The following ABCA2 variants were observed in gnomAD, a reference collection of about 807,000 sequenced individuals.
The protein encoded by ABCA2 is ATP-binding cassette sub-family A member 2.
ABCA2 carries 84 observed loss-of-function variants against 262.8 expected under a neutral mutation model. That is an observed-to-expected ratio of 0.32 (90% CI 0.27 to 0.38). The LOEUF is 0.38. ABCA2 is among the 10% of genes least tolerant of loss of function. The probability of loss-of-function intolerance (pLI) is 1.00; values close to 1 mark genes in which losing one functional copy is unlikely to be tolerated. For synonymous variants in ABCA2, 1,696 were observed against 1,502.9 expected (o/e 1.13, Z -2.97); for missense variants, 2,662 against 3,405.9 (o/e 0.78, Z 5.44).
At chr9:137,009,093 C>A in intron 45 of ABCA2, 40 bp from the exon 46 acceptor site, 1 of 1,576,784 alleles carries the variant, frequency 6.3e-7, no homozygotes, top group East Asian at 2.3e-5. Flanking sequence ...CTGCGCCGCC[C>A]AGCCAGAGCC....
chr9:137,020,672 C>T, intron 9 of ABCA2, 22 bp downstream of exon 9: 3 of 1,597,148 alleles, frequency 1.9e-6, no homozygotes, highest in Non-Finnish European at 1.7e-6. Context: ...TCCTCACCCC[C>T]ATTCCCCTGC....
intron 26 of ABCA2, 58 bp from the exon 27 acceptor site, chr9:137,014,462 A>T: frequency 2.6e-6 from 4 of 1,518,694 alleles, no homozygotes; most frequent in Non-Finnish European, 3.6e-6. Flanking sequence ...AGGCCTGCCC[A>T]GGACCCCCAT....
At position 137,012,326 on chromosome 9, in the gene ABCA2, G is replaced by A; in HGVS notation, c.5238C>T (p.Ser1746=). 1.2e-6 allele frequency: 2 copies of A among 1,612,398 alleles called. No homozygotes were observed. The highest frequency in any genetic ancestry group is 8.5e-7 in the Non-Finnish European group (1 of 1,179,730). ...GYHSMPTYLN[S]LNNAILRANL... ...TGGCACGCAGGATGGCGTTGTTGAG[G>A]CTGTTGAGGTAGGTGGGCATGCTGT... Residue 1746 remains serine, a synonymous_variant, in exon 33 of 49, where the codon AGC becomes AGT. Coordinates refer to ENST00000341511, the MANE Select transcript of ABCA2 (RefSeq NM_001606.5).
chr9:137,014,818 G>A lies in ABCA2; in HGVS notation c.3883-8C>T, dbSNP rs768609716. ...CAGGCTGCGCTCCAGGTGCTGCAGG[G>A]GCGGTGGAGGGGGAGGCTGCGGCAG... On this transcript the variant is annotated splice_region_variant and splice_polypyrimidine_tract_variant and intron_variant, in intron 25 of 48. Coordinates refer to ENST00000341511, the MANE Select transcript of ABCA2 (RefSeq NM_001606.5). The A allele has an allele frequency of 6.3e-6, 10 of 1,597,130 alleles. No homozygotes were observed. Among genetic ancestry groups the A allele is most frequent in the African/African-American group, 1.3e-5 (1 of 74,822 alleles).
chr9:137,016,875 T>C lies in ABCA2; in HGVS notation c.2758+45A>G, dbSNP rs956818411. ...CAGACTGCTGGTCCCCAACCCTGGC[T>C]GGGGACCCCTGCCTCTCCCCTGCCC... On this transcript the variant is annotated intron_variant, in intron 19 of 48. Coordinates refer to ENST00000341511, the MANE Select transcript of ABCA2 (RefSeq NM_001606.5). 6 of 1,598,622 alleles carry C rather than the reference T, an allele frequency of 3.8e-6. No individual in the cohort carries two copies. In the African/African-American group the frequency reaches 8.0e-5, roughly 21 times the overall value.
chr9:137,025,150 A>C (rs1246202539), intron 1 of ABCA2, among the ~76,000 whole-genome samples: 1 of 152,118 alleles, frequency 6.6e-6, no homozygotes, highest in Non-Finnish European at 1.5e-5. Context: ...CAGTTTCCCC[A>C]GGTCGGCTCC....
chr9:137,024,058 C>T, intron 2 of ABCA2, 85 bp downstream of exon 2: 2 of 1,520,646 alleles, frequency 1.3e-6, no homozygotes, highest in Non-Finnish European at 1.8e-6. Flanking sequence ...GAGCAGGACA[C>T]CCGTGTGCAG....
rs770332849 is a variant in ABCA2 at position 137,010,100 on chromosome 9, C to A, written c.6378G>T (p.Val2126=). Reference sequence around the variant, plus strand: ...GCGGGCAGTAGCCGAGGCTCTGCTGCACCTGGAGCAGCTCCTTCAGCACGC... The same window carrying A: ...GCGGGCAGTAGCCGAGGCTCTGCTGAACCTGGAGCAGCTCCTTCAGCACGC... ...GHSVLKELLQ[V]QQSLGYCPQC... The change falls in exon 42 of 49, where the codon GTG becomes GTT. Residue 2126 remains valine (V), a synonymous_variant. Coordinates refer to ENST00000341511, the MANE Select transcript of ABCA2 (RefSeq NM_001606.5). 6.3e-7 allele frequency: 1 copy of A among 1,596,784 alleles called. No individual in the cohort carries two copies. Among genetic ancestry groups the A allele is most frequent in the Non-Finnish European group, 8.5e-7 (1 of 1,176,724 alleles).
At position 137,011,349 on chromosome 9, in the gene ABCA2, G is replaced by T; in HGVS notation, c.5800-40C>A. 6.2e-7 allele frequency: 1 copy of T among 1,604,228 alleles called. No individual in the cohort carries two copies. Among genetic ancestry groups the T allele is most frequent in the Non-Finnish European group, 8.5e-7 (1 of 1,174,644 alleles). On this transcript the variant is annotated intron_variant, in intron 37 of 48. Transcript: ENST00000341511. This position sits in a 1 kb window ranked among gnomAD's most constrained non-coding sequence, Gnocchi z 8.8. ...GGGTCAGGGGCACAGGGGTGGCCGGGGTGAGGGGCACAGCCTCCGCAGGGT... is the reference window on the plus strand; with the variant it reads ...GGGTCAGGGGCACAGGGGTGGCCGGTGTGAGGGGCACAGCCTCCGCAGGGT...
Position 137,018,780 on chromosome 9 carries a change from C to G in ABCA2, c.1758G>C (p.Glu586Asp). Residue 586 changes from glutamate (E) to aspartate (D), a missense_variant, in exon 13 of 49, where the codon GAG (glutamate) becomes GAC (aspartate). Coordinates refer to ENST00000341511, the MANE Select transcript of ABCA2 (RefSeq NM_001606.5). ...TGAGGGTGTAGTTGACAATGCTCTC[C>G]TCGTCGGGGAAGCCCTTGAAGATGT... ...SVDIFKGFPD[E>D]ESIVNYTLNQ... 1 of 1,612,674 alleles carries G rather than the reference C, an allele frequency of 6.2e-7. No homozygotes were observed. The highest frequency in any genetic ancestry group is 8.5e-7 in the Non-Finnish European group (1 of 1,179,866).
chr9:137,022,391 G>A lies in ABCA2; in HGVS notation c.527C>T (p.Thr176Met), dbSNP rs367987129. Residue 176 changes from threonine (T) to methionine (M), a missense_variant, in exon 6 of 49, where the codon ACG becomes ATG. By Grantham distance (81) the Thr-to-Met change is moderately conservative. Transcript: ENST00000341511. ...LTQNLSLPNSTAQALLAARVD... is the reference protein window; with the variant it reads ...LTQNLSLPNSMAQALLAARVD... ...ACGGGCGGCCAAGAGTGCTTGGGCCGTGCTATTGGGCAGCGACAAGTTTTG... is the reference window on the plus strand; with the variant it reads ...ACGGGCGGCCAAGAGTGCTTGGGCCATGCTATTGGGCAGCGACAAGTTTTG... 37 of 1,611,158 alleles carry A rather than the reference G, an allele frequency of 2.3e-5. No individual in the cohort carries two copies. The highest frequency in any genetic ancestry group is 2.9e-5 in the Non-Finnish European group (34 of 1,179,454).
At position 137,013,172 on chromosome 9, in the gene ABCA2, A is replaced by G; in HGVS notation, c.4697T>C (p.Leu1566Pro). The change falls in exon 30 of 49, where the codon CTG becomes CCG. Residue 1566 changes from leucine (L) to proline (P), a missense_variant. Leu to Pro is a moderately conservative substitution (Grantham distance 98). This residue lies in a region of ABCA2 where 192 missense variants were observed against 207.2 expected (regional missense o/e 0.93). Transcript: ENST00000341511. ...GCTGTCGAAGAACCGAGCCGCCAGCAGGCGCGACTCCCCGCTGCTCAGGTT... is the reference window on the plus strand; with the variant it reads ...GCTGTCGAAGAACCGAGCCGCCAGCGGGCGCGACTCCCCGCTGCTCAGGTT... ...TLNLSSGESR[L>P]LAARFFDSMC... 1.2e-6 allele frequency: 2 copies of G among 1,601,034 alleles called. No homozygotes were observed. Among genetic ancestry groups the G allele is most frequent in the Non-Finnish European group, 1.7e-6 (2 of 1,175,688 alleles).
chr9:137,028,233 C>T lies in ABCA2; in HGVS notation c.-93G>A, dbSNP rs1471101061. 8 of 978,876 alleles carry T rather than the reference C, an allele frequency of 8.2e-6. No homozygotes were observed. Among genetic ancestry groups the T allele is most frequent in the Admixed American group, 6.4e-5 (1 of 15,632 alleles). The allele number at this position is 978,876 out of a possible 1,614,324, so 60.6% of individuals were successfully genotyped here. On this transcript the variant is annotated 5_prime_UTR_variant, in exon 1 of 49. Coordinates refer to ENST00000341511, the MANE Select transcript of ABCA2 (RefSeq NM_001606.5). This position sits in a 1 kb window ranked among gnomAD's most constrained non-coding sequence, Gnocchi z 6.9. Reference sequence around the variant, plus strand: ...GCCCGCCGCGCCGCTGGGCATCGCCCGCGCGGGGGCGGGGCGCTCGGGCGT... The same window carrying T: ...GCCCGCCGCGCCGCTGGGCATCGCCTGCGCGGGGGCGGGGCGCTCGGGCGT...
At chr9:137,008,669 G>T in intron 47 of ABCA2, 47 bp from the exon 48 acceptor site, 1 of 1,565,354 alleles carries the variant, frequency 6.4e-7, no homozygotes, top group Non-Finnish European at 8.7e-7. Flanking sequence ...TCTGGGGTGA[G>T]GAGGGGCAGG....
At chr9:137,017,930 T>TCAGCCCCAGCCC (rs772116323) in intron 15 of ABCA2, 29 bp from the exon 16 acceptor site, 27 of 1,611,930 alleles carry the variant, frequency 1.7e-5, no homozygotes, top group Admixed American at 1.7e-4. Flanking sequence ...CAGGCGCCAC[T>TCAGCCCCAGCCC]CAGCCCCAGC....
In ABCA2 at chr9:137,011,457, T is replaced by C; in HGVS notation, c.5749A>G (p.Ile1917Val). The C allele has an allele frequency of 6.2e-7, 1 of 1,610,946 alleles. No homozygotes were observed. The change falls in exon 37 of 49, where the codon ATC becomes GTC. Residue 1917 changes from isoleucine (I) to valine (V), a missense_variant. By Grantham distance (29) the Ile-to-Val change is conservative (BLOSUM62 3). Around this residue, in one of 12 missense-constraint regions of ABCA2, gnomAD observed 602 missense variants for 897.4 expected, o/e 0.67. Coordinates refer to ENST00000341511, the MANE Select transcript of ABCA2 (RefSeq NM_001606.5). This position sits in a 1 kb window ranked among gnomAD's most constrained non-coding sequence, Gnocchi z 8.8. ...AGGAAGGTGGCCACGGTGGCGGTGA[T>C]GCCGATGAAGAGATTGATGACAATG... ...FLIVINLFIGITATVATFLLQ... is the reference protein window; with the variant it reads ...FLIVINLFIGVTATVATFLLQ...
Position 137,014,711 on chromosome 9 carries a change from A to G in ABCA2, c.3982T>C (p.Ser1328Pro). ...VFLKVSEEDQ[S>P]LENSEADVKE... The stretch of plus-strand genomic sequence containing the variant: ...TCACCGGCCTCACTGTTCTCCAGCG[A>G]CTGATCCTCCTCCGACACCTTGAGG... Residue 1328 changes from serine to proline, a missense_variant, in exon 26 of 49, where the codon TCG becomes CCG. By Grantham distance (74) the Ser-to-Pro change is moderately conservative (BLOSUM62 -1). Around this residue, in one of 12 missense-constraint regions of ABCA2, gnomAD observed 297 missense variants for 286.5 expected, o/e 1.04. Transcript: ENST00000341511. 1 of 1,606,554 alleles carries G rather than the reference A, an allele frequency of 6.2e-7. No homozygotes were observed. Among genetic ancestry groups the G allele is most frequent in the East Asian group, 2.2e-5 (1 of 44,618 alleles).
rs750119975 is a variant in ABCA2 at position 137,011,598 on chromosome 9, C to G, written c.5651+36G>C. 6.4e-6 allele frequency: 10 copies of G among 1,555,454 alleles called. No homozygotes were observed. The Admixed American group carries it at 1.2e-4, about 18-fold the overall frequency. Reference sequence around the variant, plus strand: ...CAGTGGTCACCAGGCAGCCCCGGTCCCACCTGAGGCCGCTCCCCCCTCCGC... The same window carrying G: ...CAGTGGTCACCAGGCAGCCCCGGTCGCACCTGAGGCCGCTCCCCCCTCCGC... On this transcript the variant is annotated intron_variant, in intron 36 of 48. Transcript: ENST00000341511. This position sits in a 1 kb window ranked among gnomAD's most constrained non-coding sequence, Gnocchi z 8.8.
chr9:137,015,953 C>CCCCCCCCCCCCCTT lies in ABCA2; in HGVS notation c.3317+8_3317+9insAAGGGGGGGGGGGG. ...CCCACCTGCCCCGCCCCCCGCCCAG[C>CCCCCCCCCCCCCTT]CCACCCACTTGTCCATCTCTCTGCG... On this transcript the variant is annotated intron_variant, in intron 22 of 48. Coordinates refer to ENST00000341511, the MANE Select transcript of ABCA2 (RefSeq NM_001606.5). 1.4e-6 allele frequency: 1 copy of CCCCCCCCCCCCCTT among 697,184 alleles called. No homozygotes were observed. Among genetic ancestry groups the CCCCCCCCCCCCCTT allele is most frequent in the Non-Finnish European group, 2.5e-6 (1 of 396,036 alleles). 43.2% of individuals were successfully genotyped at this position (697,184 alleles called of 1,614,324 possible). A position where few individuals can be genotyped will look rare whatever the true frequency, so the allele number is the denominator to read the frequency against.
Sources: gnomAD v4.1 joint callset for allele counts (sites outside exome capture counted in the v4.1 genomes callset) on GRCh38, gnomAD v4.1.1 for gene constraint, gnomAD v4.1.1 regional missense constraint, Gnocchi (gnomAD v3.1) non-coding constraint, MANE v1.5 for transcripts, NCBI Gene and HGNC (gene_info 2026-07-23, HGNC 2026-07-21) for gene names.